The following RAI1 variants were observed in gnomAD, a reference collection of about 807,000 sequenced individuals.
RAI1 encodes retinoic acid-induced protein 1.
A neutral mutation model predicts 123.8 loss-of-function variants in RAI1; 9 were observed. The observed-to-expected ratio is 0.07, with a 90% CI of 0.04 to 0.13. The LOEUF (loss-of-function observed/expected upper bound fraction) is 0.13. Ranked by LOEUF, RAI1 falls within the 10% of genes least tolerant of loss-of-function variation. RAI1 has a pLI of 1.00. For synonymous variants in RAI1, 1,231 were observed against 1,127.3 expected (o/e 1.09, Z -1.84); for missense variants, 2,256 against 2,545.8 (o/e 0.89, Z 2.45).
At chr17:17,719,145 C>T (rs532180127) in intron 1 of RAI1, among the ~76,000 whole-genome samples, 2 of 152,182 alleles carry the variant, frequency 1.3e-5, no homozygotes, top group Non-Finnish European at 2.9e-5. Flanking sequence ...GCCCTGGCCC[C>T]ACATCTGCCC....
chr17:17,701,411 C>G (rs1163187926), intron 1 of RAI1, among the ~76,000 whole-genome samples: 1 of 152,164 alleles, frequency 6.6e-6, no homozygotes, highest in Non-Finnish European at 1.5e-5. Context: ...GTGCTCCTCC[C>G]CACCCCATCA....
intron 1 of RAI1, among the ~76,000 whole-genome samples, chr17:17,716,996 C>T (rs751434705): frequency 3.3e-5 from 5 of 152,156 alleles, no homozygotes; most frequent in African/African-American, 7.2e-5. Context: ...CTAAGAGGTC[C>T]GTCTATAGCA....
chr17:17,691,204 TG>T (rs1598013726), intron 1 of RAI1, among the ~76,000 whole-genome samples: 1 of 152,148 alleles, frequency 6.6e-6, no homozygotes, highest in Non-Finnish European at 1.5e-5. Flanking sequence ...GAGACATTTT[TG>T]GTTGTCTCAG....
chr17:17,755,707 G>A (rs533217373), intron 2 of RAI1, among the ~76,000 whole-genome samples: 17 of 152,184 alleles, frequency 1.1e-4, no homozygotes, highest in Non-Finnish European at 2.4e-4. Context: ...CTCCCATGGG[G>A]TCATGTCATC....
intron 2 of RAI1, among the ~76,000 whole-genome samples, chr17:17,773,221 G>T (rs967067801): frequency 6.6e-6 from 1 of 152,130 alleles, no homozygotes; most frequent in Admixed American, 6.6e-5. Flanking sequence ...CTTTCCATGG[G>T]CCCCAATTTC....
At chr17:17,807,271 G>T (rs2032613724) in intron 4 of RAI1, among the ~76,000 whole-genome samples, 1 of 142,746 alleles carries the variant, frequency 7.0e-6, no homozygotes, top group African/African-American at 2.6e-5. Flanking sequence ...GGGGGTGGGA[G>T]TGAGAGGGCA....
Position 17,781,179 on chromosome 17 carries a change from G to A in RAI1, c.-16-11754G>A, listed in dbSNP as rs542256405. Among the ~76,000 whole-genome samples the A allele has an allele frequency of 1.2e-3, 176 of 152,266 alleles. 1 individual carries two copies. Among genetic ancestry groups the A allele is most frequent in the African/African-American group, 4.1e-3 (169 of 41,550 alleles). ...GGTATTCTTCCCCGCCACCAAGCTA[G>A]GCAGCTCCTGGCGGCTGGAATGCCC... On this transcript the variant is annotated intron_variant, in intron 2 of 5. Transcript: ENST00000353383.
At chr17:17,703,399 C>G (rs1915292558) in intron 1 of RAI1, among the ~76,000 whole-genome samples, 2 of 152,192 alleles carry the variant, frequency 1.3e-5, no homozygotes, top group South Asian at 4.1e-4. Flanking sequence ...GCTTTCTGAT[C>G]AAGCCCCTAG....
intron 2 of RAI1, among the ~76,000 whole-genome samples, chr17:17,738,149 T>C (rs1163199078): frequency 6.6e-6 from 1 of 152,104 alleles, no homozygotes; most frequent in African/African-American, 2.4e-5. Flanking sequence ...CTCAGGCCAG[T>C]ATGGCAGCTG....
rs758661378 is a variant in RAI1, at chr17:17,793,724, C to T, written c.776C>T (p.Pro259Leu). ...RPLTASSSLAPGQRVQNLHAY... is the reference protein window; with the variant it reads ...RPLTASSSLALGQRVQNLHAY... ...CTGACTGCCAGCTCCAGCCTGGCCC[C>T]GGGGCAGCGGGTCCAGAATCTTCAT... The change falls in exon 3 of 6, where the codon CCG (proline) becomes CTG (leucine). Residue 259 changes from proline (P) to leucine (L), a missense_variant. Transcript: ENST00000353383. 1.4e-5 allele frequency: 22 copies of T among 1,612,828 alleles called. No individual in the cohort carries two copies. The highest frequency in any genetic ancestry group is 8.8e-5 in the South Asian group (8 of 91,082).
At chr17:17,808,414 A>ATTTTATTTTATTATTTTATTTTATT (rs1266596226) in intron 4 of RAI1, among the ~76,000 whole-genome samples, 55 of 125,892 alleles carry the variant, frequency 4.4e-4, no homozygotes, top group African/African-American at 1.7e-3. Context: ...ATTTTATTTT[A>ATTTTATTTTATTATTTTATTTTATT]TTATTTTATT....
chr17:17,775,523 C>G (rs1039381640), intron 2 of RAI1, among the ~76,000 whole-genome samples: 1 of 74,506 alleles, frequency 1.3e-5, no homozygotes, highest in Non-Finnish European at 3.4e-5. Context: ...ACTTTCGACT[C>G]CCCAGTCAAT....
rs80348785 is a variant in RAI1 at position 17,771,055 on chromosome 17, C to T, written c.-16-21878C>T. ...GGGCTTCAGGGGGATCTTTGGAGAC[C>T]CTGGGATGATAATGGATGGGGAGAC... On this transcript the variant is annotated intron_variant, in intron 2 of 5. Coordinates refer to ENST00000353383, the MANE Select transcript of RAI1 (RefSeq NM_030665.4). Among the ~76,000 whole-genome samples the T allele has an allele frequency of 1.5e-3, 226 of 152,118 alleles. 9 individuals carry two copies. In the East Asian group the frequency reaches 0.038, roughly 26 times the overall value.
intron 2 of RAI1, among the ~76,000 whole-genome samples, chr17:17,727,300 C>G (rs1437039445): frequency 6.6e-6 from 1 of 152,218 alleles, no homozygotes; most frequent in African/African-American, 2.4e-5. Flanking sequence ...AGAGGGGAAG[C>G]GAGTCCCAAG....
chr17:17,695,673 C>T (rs951459082), intron 1 of RAI1, among the ~76,000 whole-genome samples: 2 of 152,154 alleles, frequency 1.3e-5, no homozygotes, highest in African/African-American at 4.8e-5. Flanking sequence ...ATTACAGGCA[C>T]TTACCACGGC....
rs773485755 is a variant in RAI1, at chr17:17,795,119, C to T, written c.2171C>T (p.Ala724Val). ...GTTCCTGCTCCAGACCCCACTACAG[C>T]AGCTTTTGACTGTTTCCCGGACACA... ...LGVPAPDPTTAAFDCFPDTTA... is the reference protein window; with the variant it reads ...LGVPAPDPTTVAFDCFPDTTA... Residue 724 changes from alanine (A) to valine (V), a missense_variant, in exon 3 of 6, where the codon GCA (alanine) becomes GTA (valine). Transcript: ENST00000353383. The surrounding 1 kb of genome is among the most constrained non-coding windows in gnomAD (Gnocchi z 5.9). The T allele has an allele frequency of 6.2e-7, 1 of 1,614,108 alleles. No homozygotes were observed. Among genetic ancestry groups the T allele is most frequent in the Non-Finnish European group, 8.5e-7 (1 of 1,180,040 alleles).
In RAI1 at chr17:17,775,629, GAC is replaced by G. The variant is rs1010179647; in HGVS notation, c.-16-17302_-16-17301del. ...AATGTTATTAAAATCCTAAGGAGGA[GAC>G]AATCGAATCTATTTACTAGTCATGA... On this transcript the variant is annotated intron_variant, in intron 2 of 5. Transcript: ENST00000353383. Among the ~76,000 whole-genome samples, 469 of 152,226 alleles carry G rather than the reference GAC, an allele frequency of 3.1e-3. 2 individuals are homozygous for G. Among genetic ancestry groups the G allele is most frequent in the African/African-American group, 0.011 (458 of 41,508 alleles).
chr17:17,686,115 T>C (rs914203866), intron 1 of RAI1, among the ~76,000 whole-genome samples: 2 of 152,200 alleles, frequency 1.3e-5, no homozygotes, highest in Admixed American at 1.3e-4. Flanking sequence ...GTCTCCTTGC[T>C]CTCTCCGGCC....
At chr17:17,773,568 T>G (rs1013101657) in intron 2 of RAI1, among the ~76,000 whole-genome samples, 1 of 152,150 alleles carries the variant, frequency 6.6e-6, no homozygotes, top group Non-Finnish European at 1.5e-5. Context: ...GGGGTGCTCG[T>G]GTATTCATGT....
Sources: gnomAD v4.1 joint callset for allele counts (sites outside exome capture counted in the v4.1 genomes callset) on GRCh38, gnomAD v4.1.1 for gene constraint, Gnocchi (gnomAD v3.1) non-coding constraint, MANE v1.5 for transcripts, NCBI Gene and HGNC (gene_info 2026-07-23, HGNC 2026-07-21) for gene names.